The following CALN1 variants were observed in gnomAD, a reference collection of about 807,000 sequenced individuals.
CALN1 encodes the protein calcium-binding protein 8.
CALN1 carries 17 observed loss-of-function variants against 30.6 expected under a neutral mutation model. The observed-to-expected ratio is 0.56, with a 90% CI of 0.38 to 0.83. The LOEUF is 0.83. Among genes scored for constraint, CALN1 ranks in the 40% least tolerant of loss-of-function variants. The pLI, the probability that CALN1 is intolerant of heterozygous loss-of-function variation, is 0.00. For synonymous variants in CALN1, 156 were observed against 131.4 expected (o/e 1.19, Z -1.28); for missense variants, 291 against 354.9 (o/e 0.82, Z 1.45).
At chr7:72,041,540 T>C (rs1291673436) in intron 4 of CALN1, among the ~76,000 whole-genome samples, 1 of 152,032 alleles carries the variant, frequency 6.6e-6, no homozygotes, top group Non-Finnish European at 1.5e-5. Flanking sequence ...CACACCACCA[T>C]ACTCAGCTAA....
chr7:72,013,696 A>T (rs1800220402), intron 5 of CALN1, among the ~76,000 whole-genome samples: 1 of 152,156 alleles, frequency 6.6e-6, no homozygotes, highest in African/African-American at 2.4e-5. Context: ...TTCTATGACT[A>T]TAAATGGATG....
intron 1 of CALN1, among the ~76,000 whole-genome samples, chr7:72,446,832 C>T (rs951264908): frequency 1.3e-4 from 20 of 152,146 alleles, no homozygotes; most frequent in African/African-American, 4.8e-4. Context: ...CAAGAGCCAC[C>T]ACCACCTCCA....
chr7:72,106,557 AAGG>A (rs1004539514), intron 3 of CALN1, among the ~76,000 whole-genome samples: 16 of 149,632 alleles, frequency 1.1e-4, no homozygotes, highest in African/African-American at 3.9e-4. Context: ...GAAAGGGAGA[AAGG>A]GAGAGAGAAA....
intron 4 of CALN1, among the ~76,000 whole-genome samples, chr7:72,082,729 A>G (rs1308835951): frequency 6.6e-6 from 1 of 152,198 alleles, no homozygotes; most frequent in South Asian, 2.1e-4. Context: ...ACCAACTTCA[A>G]CTAAAGCTGT....
chr7:71,927,349 A>G (rs577899907), intron 5 of CALN1, among the ~76,000 whole-genome samples: 1 of 152,248 alleles, frequency 6.6e-6, no homozygotes, highest in East Asian at 1.9e-4. Flanking sequence ...AGCTGAGACC[A>G]CAGGCGTGCA....
chr7:72,086,244 T>C (rs1195756016), intron 4 of CALN1, among the ~76,000 whole-genome samples: 1 of 152,160 alleles, frequency 6.6e-6, no homozygotes, highest in African/African-American at 2.4e-5. Context: ...TGTCCTAAAC[T>C]GTTTTAAGTT....
intron 2 of CALN1, among the ~76,000 whole-genome samples, chr7:72,285,763 A>G (rs992140951): frequency 1.3e-5 from 2 of 152,218 alleles, no homozygotes; most frequent in Non-Finnish European, 2.9e-5. Flanking sequence ...AAGATTTCTT[A>G]AAAGTCTTAG....
intron 5 of CALN1, among the ~76,000 whole-genome samples, chr7:71,941,751 G>A (rs1443814904): frequency 6.6e-6 from 1 of 152,224 alleles, no homozygotes; most frequent in East Asian, 1.9e-4. Context: ...CTAACAGGCA[G>A]TGTGTACTTT....
chr7:72,178,093 A>G (rs1313640169), intron 3 of CALN1, among the ~76,000 whole-genome samples: 1 of 152,192 alleles, frequency 6.6e-6, no homozygotes, highest in African/African-American at 2.4e-5. Context: ...ATTCAACTCA[A>G]ATCACATCCC....
chr7:72,044,724 G>T (rs2129534558), intron 4 of CALN1, among the ~76,000 whole-genome samples: 1 of 148,006 alleles, frequency 6.8e-6, no homozygotes, highest in East Asian at 2.0e-4. Context: ...TGAACCTCCT[G>T]CTTCAGGTTC....
At chr7:71,956,348 T>C (rs1215021771) in intron 5 of CALN1, among the ~76,000 whole-genome samples, 3 of 152,054 alleles carry the variant, frequency 2.0e-5, no homozygotes, top group African/African-American at 7.2e-5. Flanking sequence ...GTAGGATGAT[T>C]GAGGGCACAT....
intron 3 of CALN1, among the ~76,000 whole-genome samples, chr7:72,239,207 G>C (rs796927438): frequency 1.3e-4 from 20 of 152,220 alleles, no homozygotes; most frequent in African/African-American, 4.8e-4. Flanking sequence ...GACCAGCCTG[G>C]GAAGCACACC....
At chr7:71,886,791 A>T (rs1004207571) in intron 5 of CALN1, among the ~76,000 whole-genome samples, 22 of 151,770 alleles carry the variant, frequency 1.4e-4, no homozygotes, top group South Asian at 4.2e-4. Flanking sequence ...AAAAAAAAAA[A>T]ATATTGCATG....
At chr7:72,387,130 C>T (rs1805254125) in intron 2 of CALN1, among the ~76,000 whole-genome samples, 1 of 130,270 alleles carries the variant, frequency 7.7e-6, no homozygotes, top group African/African-American at 2.9e-5. Context: ...GATCATAACC[C>T]AAAGTATAAA....
chr7:72,108,626 C>A (rs1234680459), intron 3 of CALN1, among the ~76,000 whole-genome samples: 1 of 152,132 alleles, frequency 6.6e-6, no homozygotes, highest in South Asian at 2.1e-4. Context: ...TTACCATACA[C>A]CCTGCCCTTA....
chr7:71,977,751 G>A (rs1370851750), intron 5 of CALN1, among the ~76,000 whole-genome samples: 2 of 151,960 alleles, frequency 1.3e-5, no homozygotes, highest in Admixed American at 1.3e-4. Context: ...GGCCAACATG[G>A]TGAAACCCCA....
At chr7:72,307,122 T>G (rs901318971) in intron 2 of CALN1, among the ~76,000 whole-genome samples, 3 of 152,170 alleles carry the variant, frequency 2.0e-5, no homozygotes, top group African/African-American at 7.2e-5. Flanking sequence ...TAATTTTTTT[T>G]AAACTCAAAT....
intron 5 of CALN1, among the ~76,000 whole-genome samples, chr7:72,013,207 T>C (rs1158149157): frequency 6.6e-6 from 1 of 151,390 alleles, no homozygotes; most frequent in East Asian, 2.0e-4. Flanking sequence ...TTTTTGCCCC[T>C]GAAAACAATT....
intron 5 of CALN1, among the ~76,000 whole-genome samples, chr7:71,847,650 C>T (rs1437364358): frequency 1.4e-5 from 2 of 147,940 alleles, no homozygotes; most frequent in East Asian, 4.1e-4. Context: ...CCACTGCACG[C>T]CAGCCTGGGC....
Sources: allele counts gnomAD v4.1 joint callset (sites outside exome capture counted in the v4.1 genomes callset), GRCh38; gene constraint gnomAD v4.1.1; transcripts MANE v1.5; gene names NCBI Gene and HGNC (gene_info 2026-07-23, HGNC 2026-07-21).